The following GADL1 variants were observed in gnomAD, a reference collection of about 807,000 sequenced individuals.
GADL1 encodes the protein acidic amino acid decarboxylase GADL1.
In GADL1, 71 loss-of-function variants were observed where a neutral mutation model predicts 69.5. The ratio of observed to expected loss-of-function variants is 1.02; its 90% CI spans 0.84 to 1.25. The LOEUF (loss-of-function observed/expected upper bound fraction) is 1.25, where lower values mean the gene tolerates loss of function less well. GADL1 is among the 50% of genes most tolerant of loss of function. The probability of loss-of-function intolerance (pLI) is 0.00; values close to 1 mark genes in which losing one functional copy is unlikely to be tolerated. For missense variants in GADL1, 737 were observed against 631.8 expected (o/e 1.17, Z -1.79); for synonymous variants, 254 against 214.4 (o/e 1.18, Z -1.62).
rs752615282 is a variant in GADL1 at position 30,834,281 on chromosome 3, C to T, written c.904G>A (p.Ala302Thr). ...ERHSLWLHVD[A>T]SWGGSALMSR... ...ATCAAAGCTGAGCCACCCCAAGAAGCCTGTTGAGATATTTACAGTACCAGA... is the reference window on the plus strand; with the variant it reads ...ATCAAAGCTGAGCCACCCCAAGAAGTCTGTTGAGATATTTACAGTACCAGA... Residue 302 changes from alanine to threonine, a missense_variant and splice_region_variant, in exon 10 of 15, where the codon GCT becomes ACT. Physicochemically the swap from Ala to Thr is moderately conservative, Grantham distance 58 (BLOSUM62 0). Transcript: ENST00000282538. 2 of 1,611,720 alleles carry T rather than the reference C, an allele frequency of 1.2e-6. No homozygotes were observed. Among genetic ancestry groups the T allele is most frequent in the Middle Eastern group, 1.6e-4 (1 of 6,066 alleles).
intron 11 of GADL1, among the ~76,000 whole-genome samples, chr3:30,820,600 TAGCAAAACATGC>T (rs1697555970): frequency 6.6e-6 from 1 of 152,146 alleles, no homozygotes; most frequent in South Asian, 2.1e-4. Context: ...TAAATAACCC[TAGCAAAACATGC>T]AGGATCCTCT....
intron 12 of GADL1, among the ~76,000 whole-genome samples, chr3:30,790,549 G>A (rs866281712): frequency 9.2e-5 from 14 of 152,110 alleles, no homozygotes; most frequent in Middle Eastern, 3.2e-3. Context: ...AGTATTTCCT[G>A]TATTAACCAT....
At chr3:30,763,984 A>G (rs941215478) in intron 14 of GADL1, among the ~76,000 whole-genome samples, 8 of 152,186 alleles carry the variant, frequency 5.3e-5, no homozygotes, top group African/African-American at 1.9e-4. Context: ...CAAAGAATAA[A>G]ATACATAAAA....
chr3:30,803,977 T>TA (rs1697208684), intron 11 of GADL1, among the ~76,000 whole-genome samples: 1 of 152,224 alleles, frequency 6.6e-6, no homozygotes, highest in South Asian at 2.1e-4. Context: ...TAAATATTAG[T>TA]AACATGGCTT....
At chr3:30,787,910 T>C (rs1444803754) in intron 12 of GADL1, among the ~76,000 whole-genome samples, 1 of 152,174 alleles carries the variant, frequency 6.6e-6, no homozygotes, top group African/African-American at 2.4e-5. Context: ...TTTTTGCAAA[T>C]TTATACAGCT....
intron 14 of GADL1, among the ~76,000 whole-genome samples, chr3:30,753,030 T>C (rs1575184906): frequency 1.3e-5 from 2 of 152,206 alleles, no homozygotes; most frequent in African/African-American, 4.8e-5. Context: ...AGGAGAGTCA[T>C]AACGGGCATC....
intron 12 of GADL1, among the ~76,000 whole-genome samples, chr3:30,788,832 T>C (rs1045269175): frequency 2.6e-5 from 4 of 152,178 alleles, no homozygotes; most frequent in African/African-American, 9.6e-5. Context: ...TCCTCATCCA[T>C]TCAAGTTTTA....
rs796125998 is a variant in GADL1 at position 30,865,298 on chromosome 3, TATATA to T, written c.38-3538_38-3534del. On this transcript the variant is annotated intron_variant, in intron 1 of 14. Coordinates refer to ENST00000282538, the MANE Select transcript of GADL1 (RefSeq NM_207359.3). ...CCACGTAAATTAATATATATATATA[TATATA>T]TATTTTTTAATATCTGTCTCTCCAA... 2.6e-4 allele frequency among the ~76,000 whole-genome samples: 36 copies of T among 140,972 alleles called. 1 individual carries two copies. The East Asian group carries it at 8.5e-3, about 33-fold the overall frequency. 92.5% of individuals were successfully genotyped at this position (140,972 alleles called of 152,430 possible).
chr3:30,750,736 A>G (rs1050119864), intron 14 of GADL1, among the ~76,000 whole-genome samples: 1 of 152,196 alleles, frequency 6.6e-6, no homozygotes, highest in African/African-American at 2.4e-5. Flanking sequence ...CGTATATGTA[A>G]TTTGTCCTGC....
At chr3:30,858,349 A>G (rs193143691) in intron 2 of GADL1, among the ~76,000 whole-genome samples, 52 of 152,166 alleles carry the variant, frequency 3.4e-4, no homozygotes, top group Non-Finnish European at 4.7e-4. Context: ...TGAAAGGATC[A>G]TATTTGTGTT....
At chr3:30,883,146 A>ATGGTTTTGGTG (rs1698663577) in intron 1 of GADL1, among the ~76,000 whole-genome samples, 2 of 151,810 alleles carry the variant, frequency 1.3e-5, no homozygotes, top group East Asian at 3.9e-4. Flanking sequence ...AAAAGGTTTT[A>ATGGTTTTGGTG]CGTGTGATGT....
intron 11 of GADL1, among the ~76,000 whole-genome samples, chr3:30,811,809 C>T (rs1023129355): frequency 5.9e-5 from 9 of 151,726 alleles, no homozygotes; most frequent in Non-Finnish European, 7.4e-5. Flanking sequence ...GGTTTTTTTT[C>T]CCCCCAAAAT....
In GADL1 at chr3:30,778,170, ATTAC is replaced by A. The variant is rs1696580878; in HGVS notation, c.1392+5_1392+8del. 1.4e-6 allele frequency: 2 copies of A among 1,388,830 alleles called. No individual in the cohort carries two copies. The highest frequency in any genetic ancestry group is 1.8e-5 in the African/African-American group (1 of 56,274). 86.0% of individuals were successfully genotyped at this position (1,388,830 alleles called of 1,614,324 possible). ...TCAAAAAGAAAAATACCATTTACTT[ATTAC>A]TTACCAAATTAAGTTTTGCCCAGAA... is the stretch of plus-strand genomic sequence containing the variant. On this transcript the variant is annotated splice_donor_5th_base_variant and intron_variant, in intron 14 of 14. Coordinates refer to ENST00000282538, the MANE Select transcript of GADL1 (RefSeq NM_207359.3).
chr3:30,883,871 G>T (rs745357689), intron 1 of GADL1, among the ~76,000 whole-genome samples: 1 of 151,836 alleles, frequency 6.6e-6, no homozygotes, highest in South Asian at 2.1e-4. Context: ...CATTGGGTTT[G>T]TTACTATTTT....
chr3:30,788,375 A>G (rs1449706725), intron 12 of GADL1, among the ~76,000 whole-genome samples: 1 of 152,198 alleles, frequency 6.6e-6, no homozygotes, highest in Non-Finnish European at 1.5e-5. Context: ...CAATGGCATT[A>G]TGTCTAAAAC....
chr3:30,768,793 C>T (rs566504457), intron 14 of GADL1, among the ~76,000 whole-genome samples: 8 of 152,246 alleles, frequency 5.3e-5, no homozygotes, highest in African/African-American at 1.7e-4. Context: ...CTGGCAGAAC[C>T]GGATACCCTG....
chr3:30,739,143 C>T (rs2125471990), intron 14 of GADL1, among the ~76,000 whole-genome samples: 1 of 152,264 alleles, frequency 6.6e-6, no homozygotes, highest in African/African-American at 2.4e-5. Context: ...GGCCTAGCTT[C>T]CTGAATTACA....
rs1445110293 is a variant in GADL1, at chr3:30,791,616, TAA to T, written c.1251-5212_1251-5211del. Among the ~76,000 whole-genome samples, 3 of 152,294 alleles carry T rather than the reference TAA, an allele frequency of 2.0e-5. No homozygotes were observed. The South Asian group carries it at 6.2e-4, about 32-fold the overall frequency. ...TAAAACAGAGCTGAATTATTTCTGT[TAA>T]AACTCTTTTTGCTAACCATGTAGAT... On this transcript the variant is annotated intron_variant, in intron 12 of 14. Transcript: ENST00000282538.
intron 2 of GADL1, among the ~76,000 whole-genome samples, chr3:30,861,377 C>T (rs1227621492): frequency 3.3e-5 from 5 of 151,516 alleles, no homozygotes; most frequent in Admixed American, 2.0e-4. Flanking sequence ...AATCTTCCCA[C>T]GAATGATGAC....
Sources: gnomAD v4.1 joint callset for allele counts (sites outside exome capture counted in the v4.1 genomes callset) on GRCh38, gnomAD v4.1.1 for gene constraint, MANE v1.5 for transcripts, NCBI Gene and HGNC (gene_info 2026-07-23, HGNC 2026-07-21) for gene names.